The following GBF1 variants were observed in gnomAD, a reference collection of about 807,000 sequenced individuals.
GBF1 encodes Golgi-specific brefeldin A-resistance guanine nucleotide exchange factor 1.
GBF1 carries 114 observed loss-of-function variants against 210.5 expected under a neutral mutation model. The ratio of observed to expected loss-of-function variants is 0.54; its 90% CI spans 0.47 to 0.63. The LOEUF (loss-of-function observed/expected upper bound fraction) is 0.63, where lower values mean the gene tolerates loss of function less well. GBF1 is among the 30% of genes least tolerant of loss of function. GBF1 has a pLI of 0.00. For missense variants in GBF1, 1,851 were observed against 2,357.7 expected (o/e 0.79, Z 4.45); for synonymous variants, 850 against 889.2 (o/e 0.96, Z 0.78).
chr10:102,320,380 T>G (rs948848879), intron 3 of GBF1, among the ~76,000 whole-genome samples: 1 of 152,148 alleles, frequency 6.6e-6, no homozygotes. Context: ...GGGTCTCTTT[T>G]AGTTATTCTG....
intron 32 of GBF1, 66 bp downstream of exon 32, chr10:102,376,866 G>A (rs1386485809): frequency 8.1e-6 from 13 of 1,608,502 alleles, no homozygotes; most frequent in African/African-American, 1.3e-5. Flanking sequence ...GAGGCTGAGA[G>A]GGGAGAAAAG....
rs770041420 is a variant in GBF1 at position 102,362,619 on chromosome 10, A to G, written c.1831A>G (p.Arg611Gly). Residue 611 changes from arginine (R) to glycine (G), a missense_variant, in exon 15 of 40, where the codon AGA becomes GGA. This residue lies in a region of GBF1 where 804 missense variants were observed against 958.6 expected (regional missense o/e 0.84). Coordinates refer to ENST00000369983, the MANE Select transcript of GBF1 (RefSeq NM_001377137.1). ...CCAGCAAGAGAAGAAGGAGACAGCC[A>G]GACCAAGCTGTGAGATAGTAGATGG... ...LTQQEKKETA[R>G]PSCEIVDGTR... 5.9e-5 allele frequency: 96 copies of G among 1,614,112 alleles called. No individual in the cohort carries two copies. Among genetic ancestry groups the G allele is most frequent in the Non-Finnish European group, 8.0e-5 (94 of 1,180,032 alleles).
intron 3 of GBF1, among the ~76,000 whole-genome samples, chr10:102,283,147 T>A (rs778993576): frequency 2.0e-5 from 3 of 152,336 alleles, no homozygotes; most frequent in Non-Finnish European, 4.4e-5. Flanking sequence ...TTTAAAGTAC[T>A]TCAACCTAAG....
intron 22 of GBF1, 46 bp from the exon 23 acceptor site, chr10:102,368,693 T>C: frequency 7.4e-7 from 1 of 1,355,714 alleles, no homozygotes; most frequent in Admixed American, 1.7e-5. Flanking sequence ...AAGGGCTGCT[T>C]GGCCTTCCAG....
chr10:102,362,281 C>T (rs1001301011), intron 14 of GBF1, among the ~76,000 whole-genome samples, 194 bp from the exon 15 acceptor site: 2 of 152,034 alleles, frequency 1.3e-5, no homozygotes, highest in East Asian at 1.9e-4. Context: ...TGGTCTCGAT[C>T]TCCTGACCTT....
chr10:102,315,194 C>G (rs187555577), intron 3 of GBF1, among the ~76,000 whole-genome samples: 62 of 152,310 alleles, frequency 4.1e-4, no homozygotes, highest in Non-Finnish European at 7.4e-4. Flanking sequence ...TCAGAAACAT[C>G]AGTTGAAGAC....
intron 3 of GBF1, among the ~76,000 whole-genome samples, chr10:102,329,777 T>C (rs1455971159): frequency 1.3e-5 from 2 of 152,232 alleles, no homozygotes; most frequent in Middle Eastern, 3.4e-3. Flanking sequence ...TTTAAATTTT[T>C]GTCATCCAAG....
chr10:102,281,528 A>T (rs1320620816), intron 3 of GBF1, among the ~76,000 whole-genome samples: 3 of 150,234 alleles, frequency 2.0e-5, no homozygotes, highest in Non-Finnish European at 4.4e-5. Context: ...CATAAATTAT[A>T]ATCTATAAAT....
chr10:102,374,127 A>C (rs1175135922), intron 29 of GBF1, among the ~76,000 whole-genome samples: 1 of 152,182 alleles, frequency 6.6e-6, no homozygotes, highest in Non-Finnish European at 1.5e-5. Flanking sequence ...AGGCTGGTGA[A>C]TCACTTGAGG....
chr10:102,354,811 C>G (rs1589753693), intron 8 of GBF1, among the ~76,000 whole-genome samples: 1 of 152,250 alleles, frequency 6.6e-6, no homozygotes, highest in East Asian at 1.9e-4. Flanking sequence ...CTACCTTATC[C>G]TTGTCTCAGA....
chr10:102,346,035 CATAA>C, intron 4 of GBF1, among the ~76,000 whole-genome samples: 1 of 152,192 alleles, frequency 6.6e-6, no homozygotes, highest in Middle Eastern at 3.4e-3. Context: ...CTATTGAAGT[CATAA>C]ATAATGCTAA....
At chr10:102,376,831 A>T in intron 32 of GBF1, 31 bp downstream of exon 32, 2 of 1,609,472 alleles carry the variant, frequency 1.2e-6, no homozygotes, top group Non-Finnish European at 1.7e-6. Flanking sequence ...GCAGCTGGGG[A>T]GTAGCCATGC....
At chr10:102,338,290 G>GAGTGC (rs2057917157) in intron 3 of GBF1, among the ~76,000 whole-genome samples, 1 of 147,364 alleles carries the variant, frequency 6.8e-6, no homozygotes, top group East Asian at 2.0e-4. Flanking sequence ...ACCCAGGCTG[G>GAGTGC]AGTGCAGTGG....
At chr10:102,332,393 T>G (rs1003789295) in intron 3 of GBF1, among the ~76,000 whole-genome samples, 3 of 151,818 alleles carry the variant, frequency 2.0e-5, no homozygotes, top group East Asian at 1.9e-4. Context: ...TTGCCTTTTT[T>G]TTTTTTTGAA....
chr10:102,277,479 C>T (rs1474536780), intron 3 of GBF1, among the ~76,000 whole-genome samples: 2 of 150,942 alleles, frequency 1.3e-5, no homozygotes, highest in African/African-American at 2.4e-5. Context: ...CCGGGTTCAA[C>T]CGATTCTCCC....
intron 3 of GBF1, among the ~76,000 whole-genome samples, chr10:102,295,849 A>G (rs2076866446): frequency 6.6e-6 from 1 of 152,198 alleles, no homozygotes; most frequent in South Asian, 2.1e-4. Context: ...TTGTCACCAG[A>G]ACCTTACTAG....
chr10:102,363,643 C>A lies in GBF1; in HGVS notation c.2018-67C>A. 6.5e-6 allele frequency: 7 copies of A among 1,079,306 alleles called. No individual in the cohort carries two copies. The South Asian group carries it at 7.6e-5, about 12-fold the overall frequency. 66.9% of individuals were successfully genotyped at this position (1,079,306 alleles called of 1,614,324 possible). A position where few individuals can be genotyped will look rare whatever the true frequency, so the allele number is the denominator to read the frequency against. On this transcript the variant is annotated intron_variant, in intron 16 of 39. Coordinates refer to ENST00000369983, the MANE Select transcript of GBF1 (RefSeq NM_001377137.1). This position sits in a 1 kb window ranked among gnomAD's most constrained non-coding sequence, Gnocchi z 4.2. ...AACTGGGGAGTATATTGGTGACCTT[C>A]CAAAAGTCCTTATCTGGGTAAAAAA...
At chr10:102,315,713 C>A (rs917985212) in intron 3 of GBF1, among the ~76,000 whole-genome samples, 2 of 152,132 alleles carry the variant, frequency 1.3e-5, no homozygotes, top group Admixed American at 1.3e-4. Flanking sequence ...AATGCTCACT[C>A]GCCCGCTGCT....
At chr10:102,256,009 G>A (rs907635960) in intron 1 of GBF1, among the ~76,000 whole-genome samples, 2 of 152,284 alleles carry the variant, frequency 1.3e-5, no homozygotes, top group Non-Finnish European at 2.9e-5. Context: ...GCAGTGGCAC[G>A]AACGCGGTTC....
Sources: allele counts gnomAD v4.1 joint callset (sites outside exome capture counted in the v4.1 genomes callset), GRCh38; gene constraint gnomAD v4.1.1; regional missense constraint gnomAD v4.1.1; non-coding constraint Gnocchi (gnomAD v3.1); transcripts MANE v1.5; gene names NCBI Gene and HGNC (gene_info 2026-07-23, HGNC 2026-07-21).